RANBP2: variants seen among roughly 807,000 people sequenced by gnomAD.
The protein encoded by RANBP2 is RAN binding protein 2, also known as E3 SUMO-protein ligase RanBP2.
Under a neutral mutation model 303.6 loss-of-function variants are expected in RANBP2, and 57 were observed. The observed-to-expected ratio is 0.19, with a 90% CI of 0.15 to 0.23. RANBP2 has a LOEUF of 0.23. Ranked by LOEUF, RANBP2 falls within the 10% of genes least tolerant of loss-of-function variation. The probability of loss-of-function intolerance (pLI) is 1.00; values close to 1 mark genes in which losing one functional copy is unlikely to be tolerated. For missense variants in RANBP2, 3,138 were observed against 3,780.8 expected (o/e 0.83, Z 4.46); for synonymous variants, 1,167 against 1,301.5 (o/e 0.90, Z 2.23).
At chr2:109,265,107 G>A in the RANBP2 span, among the ~76,000 whole-genome samples, 1 of 152,132 alleles carries the variant, frequency 6.6e-6, no homozygotes, top group Non-Finnish European at 1.5e-5. Context: ...GCCCACTTGA[G>A]GCGTTGCGAA....
chr2:109,134,111 G>T, the RANBP2 span, among the ~76,000 whole-genome samples: 3 of 152,214 alleles, frequency 2.0e-5, no homozygotes, highest in Non-Finnish European at 4.4e-5. Context: ...TGCATGCTGG[G>T]CACTTTGACA....
At chr2:109,443,707 C>G in the RANBP2 span, among the ~76,000 whole-genome samples, 1 of 152,040 alleles carries the variant, frequency 6.6e-6, no homozygotes, top group African/African-American at 2.4e-5. Flanking sequence ...CATAACAGTT[C>G]TAAATATTTA....
chr2:109,547,828 T>C, the RANBP2 span, among the ~76,000 whole-genome samples: 3 of 152,200 alleles, frequency 2.0e-5, no homozygotes, highest in African/African-American at 2.4e-5. Context: ...ATATTAGCCA[T>C]TGTTAATAAC....
the RANBP2 span, among the ~76,000 whole-genome samples, chr2:109,350,982 G>T: frequency 2.0e-5 from 3 of 152,198 alleles, no homozygotes; most frequent in Non-Finnish European, 4.4e-5. Context: ...TTTACCTTTG[G>T]TGTTTGCTTT....
chr2:109,667,914 GA>G, the RANBP2 span: 4 of 195,394 alleles, frequency 2.0e-5, no homozygotes, highest in African/African-American at 9.6e-5. Context: ...GCAGCAAGAG[GA>G]CCTCAGAAGA....
intron 20 of RANBP2, among the ~76,000 whole-genome samples, 187 bp downstream of exon 20, chr2:108,768,575 T>G (rs1272923641): frequency 2.0e-5 from 3 of 152,212 alleles, no homozygotes; most frequent in African/African-American, 7.2e-5. Context: ...CAAGAGAACT[T>G]AGTTTAAGAC....
chr2:109,256,207 A>G, the RANBP2 span, among the ~76,000 whole-genome samples: 1 of 152,204 alleles, frequency 6.6e-6, no homozygotes, highest in Non-Finnish European at 1.5e-5. Flanking sequence ...GGTGAAAGGT[A>G]GACAAGGAAG....
At chr2:109,295,385 C>T in the RANBP2 span, among the ~76,000 whole-genome samples, 1 of 152,252 alleles carries the variant, frequency 6.6e-6, no homozygotes, top group Non-Finnish European at 1.5e-5. Context: ...GGCTGTAACC[C>T]AGGCCGCCTG....
At chr2:109,251,412 A>G in the RANBP2 span, 1 of 699,666 alleles carries the variant, frequency 1.4e-6, no homozygotes, top group Non-Finnish European at 2.7e-6. Context: ...GAGTGCATGG[A>G]GTAGACACCA....
the RANBP2 span, among the ~76,000 whole-genome samples, chr2:109,489,769 G>A: frequency 5.9e-5 from 9 of 151,720 alleles, no homozygotes; most frequent in African/African-American, 9.7e-5. Context: ...ACGGAGTCTC[G>A]CTCTGTCACC....
the RANBP2 span, among the ~76,000 whole-genome samples, chr2:109,314,359 G>T: frequency 6.6e-6 from 1 of 152,174 alleles, no homozygotes; most frequent in African/African-American, 2.4e-5. Flanking sequence ...AAATGGCTCC[G>T]TTGAAGGGTG....
chr2:109,538,421 C>T, the RANBP2 span, among the ~76,000 whole-genome samples: 1 of 152,212 alleles, frequency 6.6e-6, no homozygotes, highest in Non-Finnish European at 1.5e-5. Flanking sequence ...CATTATTCGC[C>T]GACCACAGGG....
the RANBP2 span, among the ~76,000 whole-genome samples, chr2:109,684,060 G>C: frequency 1.3e-5 from 2 of 149,024 alleles, no homozygotes; most frequent in Non-Finnish European, 3.0e-5. Flanking sequence ...TCCTGCCTCA[G>C]CCTCCACAGT....
At chr2:109,673,883 C>T in the RANBP2 span, among the ~76,000 whole-genome samples, 1 of 152,040 alleles carries the variant, frequency 6.6e-6, no homozygotes, top group Non-Finnish European at 1.5e-5. Context: ...CAGGTTTTTT[C>T]CCCCTTCATT....
chr2:108,760,779 A>G (rs896869427), intron 18 of RANBP2, among the ~76,000 whole-genome samples: 1 of 152,202 alleles, frequency 6.6e-6, no homozygotes, highest in Non-Finnish European at 1.5e-5. Context: ...GAGTTTGTAT[A>G]TCAACATGAA....
At chr2:109,717,868 C>G in the RANBP2 span, among the ~76,000 whole-genome samples, 2 of 151,766 alleles carry the variant, frequency 1.3e-5, no homozygotes, top group African/African-American at 4.8e-5. Flanking sequence ...GAGCCGAGAT[C>G]ACACCATTGC....
the RANBP2 span, among the ~76,000 whole-genome samples, chr2:109,164,944 A>G: frequency 2.0e-5 from 3 of 152,220 alleles, no homozygotes; most frequent in Admixed American, 1.3e-4. Flanking sequence ...AAAAATGACA[A>G]TGGGGAGGTC....
chr2:109,473,181 A>G, the RANBP2 span, among the ~76,000 whole-genome samples: 2 of 152,270 alleles, frequency 1.3e-5, no homozygotes, highest in Middle Eastern at 6.8e-3. Context: ...GGATTTTCCC[A>G]GGGAAGCGGC....
chr2:109,276,899 G>A, the RANBP2 span, among the ~76,000 whole-genome samples: 3 of 152,268 alleles, frequency 2.0e-5, no homozygotes, highest in East Asian at 5.8e-4. Flanking sequence ...GAGATTAAGA[G>A]AGTAGAGATG....
Sources: allele counts gnomAD v4.1 joint callset (sites outside exome capture counted in the v4.1 genomes callset), GRCh38; gene constraint gnomAD v4.1.1; transcripts MANE v1.5; gene names NCBI Gene and HGNC (gene_info 2026-07-23, HGNC 2026-07-21).